KCNQ5: variants seen among roughly 807,000 people sequenced by gnomAD.
The protein encoded by KCNQ5 is potassium voltage-gated channel subfamily Q member 5.
A neutral mutation model predicts 98.2 loss-of-function variants in KCNQ5; 30 were observed. That is an observed-to-expected ratio of 0.31 (90% CI 0.23 to 0.41). The LOEUF (loss-of-function observed/expected upper bound fraction) is 0.41. Ranked by LOEUF, KCNQ5 falls within the 10% of genes least tolerant of loss-of-function variation. The pLI is 1.00. For synonymous variants in KCNQ5, 458 were observed against 449.4 expected (o/e 1.02, Z -0.24); for missense variants, 835 against 1,182.5 (o/e 0.71, Z 4.31).
chr6:72,869,815 A>C (rs1778133925), intron 1 of KCNQ5, among the ~76,000 whole-genome samples: 1 of 152,246 alleles, frequency 6.6e-6, no homozygotes, highest in Admixed American at 6.5e-5. Flanking sequence ...TGTCGGGTCA[A>C]AGCTGGACAT....
Position 73,111,792 on chromosome 6 carries a change from G to A in KCNQ5, c.1125+389G>A, listed in dbSNP as rs1477277872. On this transcript the variant is annotated intron_variant, in intron 7 of 13. Coordinates refer to ENST00000370398, the MANE Select transcript of KCNQ5 (RefSeq NM_019842.4). The stretch of plus-strand genomic sequence containing the variant: ...CCCTGCATTCCAATTACTTTCTCCA[G>A]CCAGATGTATGTTGCTGTTTTAAAG... Among the ~76,000 whole-genome samples, 4 of 152,118 alleles carry A rather than the reference G, an allele frequency of 2.6e-5. No individual in the cohort carries two copies. In the East Asian group the frequency reaches 7.7e-4, roughly 29 times the overall value.
chr6:72,884,671 C>T (rs917327076), intron 1 of KCNQ5, among the ~76,000 whole-genome samples: 3 of 151,822 alleles, frequency 2.0e-5, no homozygotes, highest in African/African-American at 4.8e-5. Flanking sequence ...GGCTGGAGAG[C>T]GGTGAGACAA....
At chr6:72,644,926 C>T (rs1765510205) in intron 1 of KCNQ5, among the ~76,000 whole-genome samples, 1 of 152,100 alleles carries the variant, frequency 6.6e-6, no homozygotes. Flanking sequence ...AGTTGGTCTA[C>T]ATAATTTTGC....
At chr6:73,033,127 G>A (rs1771226158) in intron 2 of KCNQ5, among the ~76,000 whole-genome samples, 1 of 152,124 alleles carries the variant, frequency 6.6e-6, no homozygotes, top group Non-Finnish European at 1.5e-5. Context: ...TAACTGGGAT[G>A]CATAGGGCCA....
chr6:73,130,281 C>T (rs942264959), intron 9 of KCNQ5, among the ~76,000 whole-genome samples: 1 of 152,178 alleles, frequency 6.6e-6, no homozygotes, highest in Non-Finnish European at 1.5e-5. Flanking sequence ...ATGATGATGC[C>T]ACACAGTTGC....
chr6:73,090,586 T>G (rs1466974801), intron 5 of KCNQ5, among the ~76,000 whole-genome samples: 1 of 152,212 alleles, frequency 6.6e-6, no homozygotes, highest in African/African-American at 2.4e-5. Flanking sequence ...TTGATTCTTG[T>G]ATGTGGTGAG....
At chr6:72,887,272 C>T (rs1301900925) in intron 1 of KCNQ5, among the ~76,000 whole-genome samples, 1 of 152,078 alleles carries the variant, frequency 6.6e-6, no homozygotes, top group Non-Finnish European at 1.5e-5. Flanking sequence ...AGAAGCAAGT[C>T]ACATCTTACT....
chr6:72,718,445 CTTTTTTTTTTTTTTT>C lies in KCNQ5; in HGVS notation c.398+95870_398+95884del, dbSNP rs1032425332. Reference sequence around the variant, plus strand: ...GGTCTTGAGATTCTTCCTTTCTGCTCTTTTTTTTTTTTTTTTTTTTTTTTTTGACAGAGTCTCGCT... The same window carrying C: ...GGTCTTGAGATTCTTCCTTTCTGCTCTTTTTTTTTTTGACAGAGTCTCGCT... On this transcript the variant is annotated intron_variant, in intron 1 of 13. Coordinates refer to ENST00000370398, the MANE Select transcript of KCNQ5 (RefSeq NM_019842.4). Among the ~76,000 whole-genome samples, 75 of 71,486 alleles carry C rather than the reference CTTTTTTTTTTTTTTT, an allele frequency of 1.0e-3. 1 individual carries two copies. The highest frequency in any genetic ancestry group is 1.3e-3 in the East Asian group (3 of 2,290). The allele number at this position is 71,486 out of a possible 152,430, so 46.9% of individuals were successfully genotyped here.
At chr6:73,150,740 G>A (rs766917979) in intron 10 of KCNQ5, among the ~76,000 whole-genome samples, 4 of 151,592 alleles carry the variant, frequency 2.6e-5, no homozygotes, top group Non-Finnish European at 4.4e-5. Context: ...ATTATGTTAA[G>A]TGAAAATATA....
intron 1 of KCNQ5, among the ~76,000 whole-genome samples, chr6:72,635,756 T>C (rs1013571471): frequency 6.8e-6 from 1 of 148,026 alleles, no homozygotes; most frequent in Admixed American, 6.8e-5. Flanking sequence ...TTGTACAAAA[T>C]GTTGCTTTCT....
In KCNQ5 at chr6:72,865,272, T is replaced by G. The variant is rs1314367128; in HGVS notation, c.399-138636T>G. Among the ~76,000 whole-genome samples, 5 of 152,254 alleles carry G rather than the reference T, an allele frequency of 3.3e-5. No individual in the cohort carries two copies. The East Asian group carries it at 9.6e-4, about 29-fold the overall frequency. Reference sequence around the variant, plus strand: ...ACTCTCCTTGTTGATGTTCTGCGTATAGACTCTATTTCATTCAAGTGTGGA... The same window carrying G: ...ACTCTCCTTGTTGATGTTCTGCGTAGAGACTCTATTTCATTCAAGTGTGGA... On this transcript the variant is annotated intron_variant, in intron 1 of 13. Coordinates refer to ENST00000370398, the MANE Select transcript of KCNQ5 (RefSeq NM_019842.4).
At chr6:72,667,663 A>G (rs1766892939) in intron 1 of KCNQ5, among the ~76,000 whole-genome samples, 1 of 152,248 alleles carries the variant, frequency 6.6e-6, no homozygotes, top group Non-Finnish European at 1.5e-5. Context: ...TAATGTCAAC[A>G]GTAACAGGAT....
intron 1 of KCNQ5, among the ~76,000 whole-genome samples, chr6:72,938,882 T>C (rs1296451035): frequency 6.6e-6 from 1 of 152,188 alleles, no homozygotes; most frequent in Non-Finnish European, 1.5e-5. Context: ...TTATACATAA[T>C]TGAAACTTCA....
intron 1 of KCNQ5, among the ~76,000 whole-genome samples, chr6:72,940,901 G>A (rs909496914): frequency 2.6e-5 from 4 of 152,014 alleles, no homozygotes; most frequent in Non-Finnish European, 5.9e-5. Context: ...GATAACCTGC[G>A]TTAATTATCT....
At chr6:73,005,070 G>T (rs764647270) in intron 2 of KCNQ5, among the ~76,000 whole-genome samples, 1 of 152,174 alleles carries the variant, frequency 6.6e-6, no homozygotes, top group Non-Finnish European at 1.5e-5. Flanking sequence ...AAGTCTTTCT[G>T]TGCAATATCA....
intron 1 of KCNQ5, among the ~76,000 whole-genome samples, chr6:72,690,250 A>G (rs9446735): frequency 0.37 from 55,935 of 152,112 alleles, 11,131 homozygotes; most frequent in South Asian, 0.52. Context: ...AACAAAAAAG[A>G]AAAGAAAAAG....
At chr6:73,068,556 G>T (rs1263119197) in intron 3 of KCNQ5, among the ~76,000 whole-genome samples, 2 of 152,022 alleles carry the variant, frequency 1.3e-5, no homozygotes, top group African/African-American at 4.8e-5. Flanking sequence ...TATGACATAG[G>T]TACCTTTATT....
At chr6:72,921,585 CT>C (rs1780403402) in intron 1 of KCNQ5, among the ~76,000 whole-genome samples, 1 of 152,132 alleles carries the variant, frequency 6.6e-6, no homozygotes, top group Non-Finnish European at 1.5e-5. Flanking sequence ...GAGAGATTCT[CT>C]TTGAGCTTCA....
intron 1 of KCNQ5, among the ~76,000 whole-genome samples, chr6:72,959,500 T>A (rs1183744022): frequency 6.6e-6 from 1 of 152,220 alleles, no homozygotes; most frequent in Non-Finnish European, 1.5e-5. Context: ...ACCTCCTTAA[T>A]TCTAGAAATA....
Sources: gnomAD v4.1 joint callset for allele counts (sites outside exome capture counted in the v4.1 genomes callset) on GRCh38, gnomAD v4.1.1 for gene constraint, MANE v1.5 for transcripts, NCBI Gene and HGNC (gene_info 2026-07-23, HGNC 2026-07-21) for gene names.